SASH1: variants seen among roughly 807,000 people sequenced by gnomAD.
The protein encoded by SASH1 is SAM and SH3 domain-containing protein 1.
In SASH1, 44 loss-of-function variants were observed where a neutral mutation model predicts 125.2. That is an observed-to-expected ratio of 0.35 (90% CI 0.28 to 0.45). The LOEUF is 0.45. Ranked by LOEUF, SASH1 falls within the 20% of genes least tolerant of loss-of-function variation. The pLI is 1.00. For synonymous variants in SASH1, 639 were observed against 649.1 expected (o/e 0.98, Z 0.24); for missense variants, 1,426 against 1,614.5 (o/e 0.88, Z 2.00).
At chr6:148,279,270 C>G (rs116192805) in intron 1 of SASH1, among the ~76,000 whole-genome samples, 2 of 152,108 alleles carry the variant, frequency 1.3e-5, no homozygotes, top group Admixed American at 6.6e-5. Context: ...GGATTACAGA[C>G]ATGAACCACC....
At chr6:148,359,043 A>G in intron 1 of SASH1, among the ~76,000 whole-genome samples, 1 of 151,836 alleles carries the variant, frequency 6.6e-6, no homozygotes, top group South Asian at 2.1e-4. Context: ...CCCTAATGCC[A>G]TGTTTAAACA....
Position 148,514,434 on chromosome 6 carries a change from A to T in SASH1, c.840A>T (p.Glu280Asp), listed in dbSNP as rs1780322212. 1 of 1,578,182 alleles carries T rather than the reference A, an allele frequency of 6.3e-7. No homozygotes were observed. The highest frequency in any genetic ancestry group is 1.8e-5 in the Admixed American group (1 of 55,294). Residue 280 changes from glutamate to aspartate, a missense_variant, in exon 9 of 20, where the codon GAA becomes GAT. Physicochemically the swap from Glu to Asp is conservative, Grantham distance 45 (BLOSUM62 2). This residue lies in a region of SASH1 where 567 missense variants were observed against 575.6 expected (regional missense o/e 0.99). Transcript: ENST00000367467. ...GAAAGAAACTAATTAGGGTGGAAGAAATGAAAAAACCCAGCACTGAAGGTA... is the reference window on the plus strand; with the variant it reads ...GAAAGAAACTAATTAGGGTGGAAGATATGAAAAAACCCAGCACTGAAGGTA... ...RVRKKLIRVEEMKKPSTEGGE... is the reference protein window; with the variant it reads ...RVRKKLIRVEDMKKPSTEGGE...
chr6:148,390,323 C>G, intron 2 of SASH1, 61 bp downstream of exon 2: 2 of 1,544,124 alleles, frequency 1.3e-6, no homozygotes, highest in Non-Finnish European at 1.8e-6. Context: ...TGGGCTTTTC[C>G]TTGGTCTTTA....
chr6:148,314,361 A>G (rs1235467042), intron 1 of SASH1, among the ~76,000 whole-genome samples: 1 of 152,230 alleles, frequency 6.6e-6, no homozygotes, highest in Non-Finnish European at 1.5e-5. Context: ...TACTTGATCA[A>G]TTGAGAAATG....
chr6:148,457,517 A>G (rs533830420), intron 4 of SASH1, among the ~76,000 whole-genome samples: 1 of 152,326 alleles, frequency 6.6e-6, no homozygotes, highest in Non-Finnish European at 1.5e-5. Context: ...AGTCACTTAT[A>G]TAAAGACTCT....
At chr6:148,213,240 A>T in the SASH1 span, among the ~76,000 whole-genome samples, 2 of 152,118 alleles carry the variant, frequency 1.3e-5, no homozygotes, top group Admixed American at 1.3e-4. Context: ...TCCTTTGCAA[A>T]CTTGATGAGA....
intron 1 of SASH1, among the ~76,000 whole-genome samples, chr6:148,331,858 A>AT (rs1002970039): frequency 1.1e-4 from 16 of 151,648 alleles, no homozygotes; most frequent in African/African-American, 3.1e-4. Context: ...TGCCTGGTTA[A>AT]TTTTTTGTAG....
the SASH1 span, among the ~76,000 whole-genome samples, chr6:148,224,009 A>G: frequency 6.6e-6 from 1 of 152,210 alleles, no homozygotes; most frequent in Non-Finnish European, 1.5e-5. Flanking sequence ...AAAGTCTTAC[A>G]TGGGCCAGGC....
chr6:148,396,540 A>T (rs1296680666), intron 2 of SASH1, among the ~76,000 whole-genome samples: 7 of 151,482 alleles, frequency 4.6e-5, no homozygotes, highest in Non-Finnish European at 1.0e-4. Context: ...TGTAGGAATG[A>T]CTTATCATTC....
chr6:148,325,241 G>A (rs1430669419), intron 1 of SASH1, among the ~76,000 whole-genome samples: 1 of 121,896 alleles, frequency 8.2e-6, no homozygotes, highest in Non-Finnish European at 1.8e-5. Context: ...AGTGCAGAGT[G>A]AAATAGGGGA....
rs376832515 is a variant in SASH1 at position 148,362,014 on chromosome 6, T to C, written c.156+18791T>C. On this transcript the variant is annotated intron_variant, in intron 1 of 19. Transcript: ENST00000367467. ...CTGCAAGCTCCGCCTCCCGGGTTCA[T>C]GCCATTCTCCTGCCTCAGCCTCCCG... Among the ~76,000 whole-genome samples, 518 of 143,784 alleles carry C rather than the reference T, an allele frequency of 3.6e-3. 9 individuals are homozygous for C. The highest frequency in any genetic ancestry group is 0.032 in the East Asian group (148 of 4,564). 94.3% of individuals were successfully genotyped at this position (143,784 alleles called of 152,430 possible). A position where few individuals can be genotyped will look rare whatever the true frequency, so the allele number is the denominator to read the frequency against.
the SASH1 span, among the ~76,000 whole-genome samples, chr6:148,238,413 A>G: frequency 5.7e-3 from 866 of 152,084 alleles, 7 homozygotes; most frequent in African/African-American, 0.02. Context: ...TAGTAGAGAC[A>G]GAGTTTCATC....
chr6:148,200,682 G>T, the SASH1 span, among the ~76,000 whole-genome samples: 3 of 152,190 alleles, frequency 2.0e-5, no homozygotes, highest in African/African-American at 7.2e-5. Context: ...CCTCGCACAG[G>T]CTGGCATTTC....
At chr6:148,444,700 C>G (rs771902677) in intron 4 of SASH1, among the ~76,000 whole-genome samples, 1 of 152,172 alleles carries the variant, frequency 6.6e-6, no homozygotes, top group Non-Finnish European at 1.5e-5. Context: ...ATGAGACTAT[C>G]TGTTACTGGA....
At chr6:148,409,943 A>G (rs979668925) in intron 2 of SASH1, among the ~76,000 whole-genome samples, 1 of 151,674 alleles carries the variant, frequency 6.6e-6, no homozygotes, top group Non-Finnish European at 1.5e-5. Flanking sequence ...CATCTCAAAC[A>G]AACAAACAAC....
chr6:148,304,888 C>T (rs114821072), intron 1 of SASH1, among the ~76,000 whole-genome samples: 10,042 of 152,046 alleles, frequency 0.066, 379 homozygotes, highest in African/African-American at 0.11. Flanking sequence ...ATTAGCTGGA[C>T]GTGGTGATGG....
chr6:148,471,279 G>GA (rs1208958310), intron 5 of SASH1, 138 bp from the exon 6 acceptor site: 1 of 620,064 alleles, frequency 1.6e-6, no homozygotes, highest in Non-Finnish European at 2.8e-6. Context: ...CTAACTGAAA[G>GA]AAAAAACTGT....
At chr6:148,359,854 A>G (rs1000096884) in intron 1 of SASH1, among the ~76,000 whole-genome samples, 1 of 151,886 alleles carries the variant, frequency 6.6e-6, no homozygotes, top group Admixed American at 6.6e-5. Flanking sequence ...TGCCTGCCGG[A>G]TTCAAGTGAA....
intron 1 of SASH1, among the ~76,000 whole-genome samples, chr6:148,360,022 G>T (rs1782128323): frequency 6.6e-6 from 1 of 152,024 alleles, no homozygotes. Flanking sequence ...CTCCCAAAGT[G>T]CTGGGATTAC....
Sources: allele counts gnomAD v4.1 joint callset (sites outside exome capture counted in the v4.1 genomes callset), GRCh38; gene constraint gnomAD v4.1.1; regional missense constraint gnomAD v4.1.1; transcripts MANE v1.5; gene names NCBI Gene and HGNC (gene_info 2026-07-23, HGNC 2026-07-21).